CRACR2A: variants seen among roughly 807,000 people sequenced by gnomAD.
CRACR2A encodes the protein EF-hand calcium-binding domain-containing protein 4B.
Under a neutral mutation model 90.5 loss-of-function variants are expected in CRACR2A, and 79 were observed. The observed-to-expected ratio is 0.87, with a 90% CI of 0.73 to 1.05. The LOEUF (loss-of-function observed/expected upper bound fraction) is 1.05. Ranked by LOEUF, CRACR2A falls within the 50% of genes least tolerant of loss-of-function variation. The probability of loss-of-function intolerance (pLI) is 0.00; values close to 1 mark genes in which losing one functional copy is unlikely to be tolerated. For missense variants in CRACR2A, 823 were observed against 897.2 expected (o/e 0.92, Z 1.06); for synonymous variants, 338 against 356.7 (o/e 0.95, Z 0.59).
At chr12:3,636,501 C>A (rs1944456604) in intron 14 of CRACR2A, among the ~76,000 whole-genome samples, 1 of 152,246 alleles carries the variant, frequency 6.6e-6, no homozygotes. Flanking sequence ...ACTTTCCCAT[C>A]TGTCAATGGG....
At position 3,625,055 on chromosome 12, in the gene CRACR2A, A is replaced by G. The variant is rs113083228; in HGVS notation, c.1932+2381T>C. Among the ~76,000 whole-genome samples, 710 of 152,326 alleles carry G rather than the reference A, an allele frequency of 4.7e-3. 2 individuals carry two copies. Among genetic ancestry groups the G allele is most frequent in the Non-Finnish European group, 8.2e-3 (555 of 68,030 alleles). On this transcript the variant is annotated intron_variant, in intron 17 of 19. Transcript: ENST00000440314. ...TGTTCACCCAGGTTTAGAATAATCAATTAGAGCTTAAATGTACCTTTGGCT... is the reference window on the plus strand; with the variant it reads ...TGTTCACCCAGGTTTAGAATAATCAGTTAGAGCTTAAATGTACCTTTGGCT...
chr12:3,658,246 C>T (rs192279488), intron 8 of CRACR2A, among the ~76,000 whole-genome samples: 1 of 152,264 alleles, frequency 6.6e-6, no homozygotes, highest in African/African-American at 2.4e-5. Flanking sequence ...GCATTTACTT[C>T]CAAAATCACG....
intron 3 of CRACR2A, among the ~76,000 whole-genome samples, chr12:3,710,364 T>C (rs1007219490): frequency 4.6e-5 from 7 of 152,174 alleles, no homozygotes; most frequent in African/African-American, 1.7e-4. Flanking sequence ...GGATGGCCTA[T>C]AAACAATAGA....
chr12:3,686,580 CCTCTCCCTCTCCCAG>C, intron 4 of CRACR2A, among the ~76,000 whole-genome samples: 1 of 152,250 alleles, frequency 6.6e-6, no homozygotes, highest in African/African-American at 2.4e-5. Flanking sequence ...ATCCTCTCTC[CCTCTCCCTCTCCCAG>C]CTGATGGAGT....
chr12:3,659,754 G>T, intron 7 of CRACR2A, 100 bp from the exon 8 acceptor site: 1 of 914,336 alleles, frequency 1.1e-6, no homozygotes, highest in Non-Finnish European at 1.8e-6. Flanking sequence ...GGAGCTGTGG[G>T]TGTGGGGGTG....
At chr12:3,643,471 T>C (rs1412920802) in intron 12 of CRACR2A, among the ~76,000 whole-genome samples, 1 of 152,052 alleles carries the variant, frequency 6.6e-6, no homozygotes, top group Non-Finnish European at 1.5e-5. Flanking sequence ...AGTAAATGAC[T>C]TGCCCAGGGA....
chr12:3,665,819 C>T (rs1029035643), intron 7 of CRACR2A, among the ~76,000 whole-genome samples: 28 of 152,196 alleles, frequency 1.8e-4, no homozygotes, highest in Admixed American at 9.2e-4. Flanking sequence ...TCCATACATC[C>T]CACCAACATT....
chr12:3,619,882 G>C (rs1944100473), intron 17 of CRACR2A, among the ~76,000 whole-genome samples: 1 of 152,210 alleles, frequency 6.6e-6, no homozygotes, highest in Admixed American at 6.5e-5. Flanking sequence ...AGCTTCTGAG[G>C]GTTGGATCCA....
chr12:3,745,825 T>TAAAATAAAATAAAATA (rs149739964), intron 1 of CRACR2A, among the ~76,000 whole-genome samples: 16 of 100,470 alleles, frequency 1.6e-4, no homozygotes, highest in Non-Finnish European at 1.6e-4. Context: ...TAAAATAAAA[T>TAAAATAAAATAAAATA]AAAGAAAGAA....
intron 11 of CRACR2A, 37 bp from the exon 12 acceptor site, chr12:3,644,677 G>A (rs1944654009): frequency 6.5e-7 from 1 of 1,548,768 alleles, no homozygotes; most frequent in South Asian, 1.2e-5. Flanking sequence ...CAAACATGGA[G>A]TTTGCAGTTG....
intron 7 of CRACR2A, among the ~76,000 whole-genome samples, chr12:3,668,795 C>T (rs552169739): frequency 1.9e-4 from 29 of 152,212 alleles, no homozygotes; most frequent in African/African-American, 6.0e-4. Context: ...CACCATGGAC[C>T]GGAAGTGGCT....
chr12:3,697,121 CAG>C, intron 3 of CRACR2A, 86 bp from the exon 4 acceptor site: 1 of 1,428,892 alleles, frequency 7.0e-7, no homozygotes, highest in African/African-American at 1.4e-5. Flanking sequence ...GAAGGAAGCA[CAG>C]AGCCATACAC....
chr12:3,731,962 C>A (rs777594258), intron 2 of CRACR2A: 3 of 152,236 alleles, frequency 2.0e-5, no homozygotes, highest in Non-Finnish European at 4.4e-5. Flanking sequence ...ACCTTGGTTG[C>A]AGACCTCTCG....
At chr12:3,689,003 GGCTGTTGTT>G (rs1487052464) in intron 4 of CRACR2A, among the ~76,000 whole-genome samples, 4 of 152,124 alleles carry the variant, frequency 2.6e-5, no homozygotes, top group Non-Finnish European at 5.9e-5. Context: ...CTCTTGGTTT[GGCTGTTGTT>G]GGTGTATAGG....
chr12:3,628,230 T>C (rs562250441), intron 15 of CRACR2A, among the ~76,000 whole-genome samples: 42 of 151,244 alleles, frequency 2.8e-4, no homozygotes, highest in Non-Finnish European at 4.7e-4. Flanking sequence ...CCTTTCTCTC[T>C]TTCTTTCTTT....
chr12:3,620,337 GT>G (rs1438509899), intron 17 of CRACR2A, among the ~76,000 whole-genome samples: 2 of 152,230 alleles, frequency 1.3e-5, no homozygotes, highest in African/African-American at 4.8e-5. Context: ...GTAGCTAAAT[GT>G]TTTACTAAAT....
rs754549349 is a variant in CRACR2A at position 3,654,451 on chromosome 12, G to A, written c.859-52C>T. The A allele has an allele frequency of 1.4e-5, 21 of 1,525,380 alleles. No individual in the cohort carries two copies. In the South Asian group the frequency reaches 2.1e-4, roughly 15 times the overall value. 94.5% of individuals were successfully genotyped at this position (1,525,380 alleles called of 1,614,324 possible). ...AATGAGGAGTGACCACCATTTTCAG[G>A]AGGGCCTGCCCTGGCCTCACCTTGT... is the stretch of plus-strand genomic sequence containing the variant. On this transcript the variant is annotated intron_variant, in intron 9 of 19. Transcript: ENST00000440314.
At chr12:3,683,326 A>T (rs376805324) in intron 4 of CRACR2A, among the ~76,000 whole-genome samples, 50 of 152,208 alleles carry the variant, frequency 3.3e-4, no homozygotes, top group African/African-American at 1.1e-3. Context: ...GCACCACCAA[A>T]ATCAGAACAC....
chr12:3,644,489 G>T, intron 12 of CRACR2A, 106 bp downstream of exon 12: 1 of 1,193,818 alleles, frequency 8.4e-7, no homozygotes, highest in Admixed American at 2.0e-5. Flanking sequence ...CTGCCAAATA[G>T]ATCCCGAGTG....
Sources: allele counts gnomAD v4.1 joint callset (sites outside exome capture counted in the v4.1 genomes callset), GRCh38; gene constraint gnomAD v4.1.1; transcripts MANE v1.5; gene names NCBI Gene and HGNC (gene_info 2026-07-23, HGNC 2026-07-21).